The following RWDD4 variants were observed in gnomAD, a reference collection of about 807,000 sequenced individuals.
RWDD4 encodes the protein RWD domain containing 4.
In RWDD4, 16 loss-of-function variants were observed where a neutral mutation model predicts 30.0. That is an observed-to-expected ratio of 0.53 (90% CI 0.36 to 0.81). The LOEUF is 0.81. RWDD4 is among the 30% of genes least tolerant of loss of function. The pLI is 0.00. For missense variants in RWDD4, 170 were observed against 223.9 expected (o/e 0.76, Z 1.54); for synonymous variants, 45 against 72.1 (o/e 0.62, Z 1.90).
At chr4:183,650,509 T>C (rs1240386731) in intron 4 of RWDD4, among the ~76,000 whole-genome samples, 5 of 152,222 alleles carry the variant, frequency 3.3e-5, no homozygotes, top group Non-Finnish European at 7.3e-5. Flanking sequence ...AAATATTTCC[T>C]AAAACTATTC....
chr4:183,655,760 T>A lies in RWDD4; in HGVS notation c.105+121A>T, dbSNP rs78730392. On this transcript the variant is annotated intron_variant, in intron 2 of 7. Transcript: ENST00000326397. ...TGTTAGGGTGATGTTTCCATTTAAA[T>A]GCTACAGAAAATACAGACATAATAA... 2.1e-3 allele frequency: 1,296 copies of A among 610,552 alleles called. 24 individuals are homozygous for A. The East Asian group carries it at 0.029, about 13-fold the overall frequency. 37.8% of individuals were successfully genotyped at this position (610,552 alleles called of 1,614,324 possible).
chr4:183,643,373 G>GCCACTGAA (rs1733903035), intron 7 of RWDD4, among the ~76,000 whole-genome samples: 1 of 111,572 alleles, frequency 9.0e-6, no homozygotes, highest in Admixed American at 1.3e-4. Context: ...CTGAAATTGC[G>GCCACTGAA]CCACTGAACT....
At chr4:183,658,888 C>T in intron 1 of RWDD4, 41 bp downstream of exon 1, 5 of 1,237,856 alleles carry the variant, frequency 4.0e-6, no homozygotes, top group Non-Finnish European at 5.0e-6. Context: ...GGCTGCGCGC[C>T]GCGCCCGCGC....
chr4:183,646,596 TTAAGA>T (rs1733970573), intron 5 of RWDD4, 59 bp from the exon 6 acceptor site: 1 of 1,476,064 alleles, frequency 6.8e-7, no homozygotes, highest in Non-Finnish European at 9.3e-7. Flanking sequence ...TTTATAATAA[TTAAGA>T]TTTTATATAC....
chr4:183,658,139 G>A (rs960090441), intron 1 of RWDD4, among the ~76,000 whole-genome samples: 1 of 152,184 alleles, frequency 6.6e-6, no homozygotes, highest in Non-Finnish European at 1.5e-5. Flanking sequence ...TTCCAATCCA[G>A]AGATTCTATT....
Position 183,646,494 on chromosome 4 carries a change from A to G in RWDD4, c.525T>C (p.Val175=). 1 of 1,612,372 alleles carries G rather than the reference A, an allele frequency of 6.2e-7. No homozygotes were observed. The highest frequency in any genetic ancestry group is 8.5e-7 in the Non-Finnish European group (1 of 1,179,566). The change falls in exon 6 of 8, where the codon GTT becomes GTC. Residue 175 remains valine (V), a synonymous_variant. Transcript: ENST00000326397. ...GAATATAAATGTTATATACCTTCAC[A>G]ACATCAACCCAGTTCCAGCCTCGAG... ...ELPRGWNWVD[V]VKHLSKTGSK...
rs368395772 is a variant in RWDD4, at chr4:183,646,517, G to A, written c.502C>T (p.Arg168Ter). Residue 168 changes from arginine to a stop codon, truncating the protein, a stop_gained, in exon 6 of 8, where the codon CGA becomes TGA. Transcript: ENST00000326397. LOFTEE classifies it high-confidence loss of function. The part of the protein sequence containing the change: ...DKTDHKGELP[R>*]GWNWVDVVKH... ...ACAACATCAACCCAGTTCCAGCCTCGAGGAAGTTCTCCTTTGTGATCTAGA... is the reference window on the plus strand; with the variant it reads ...ACAACATCAACCCAGTTCCAGCCTCAAGGAAGTTCTCCTTTGTGATCTAGA... 8.7e-6 allele frequency: 14 copies of A among 1,612,150 alleles called. No individual in the cohort carries two copies. Among genetic ancestry groups the A allele is most frequent in the African/African-American group, 1.3e-5 (1 of 74,916 alleles).
Position 183,659,078 on chromosome 4 carries a change from G to T in RWDD4, c.-126C>A. The stretch of plus-strand genomic sequence containing the variant: ...CGGCTGTGGGGGCGGCACAGTCTTG[G>T]CACTGGCAGACGCCAACTGCGCGCG... On this transcript the variant is annotated 5_prime_UTR_variant, in exon 1 of 8. Transcript: ENST00000326397. 2.9e-6 allele frequency: 2 copies of T among 697,020 alleles called. No homozygotes were observed. Among genetic ancestry groups the T allele is most frequent in the Non-Finnish European group, 4.0e-6 (2 of 500,130 alleles). 43.2% of individuals were successfully genotyped at this position (697,020 alleles called of 1,614,324 possible). A position where few individuals can be genotyped will look rare whatever the true frequency, so the allele number is the denominator to read the frequency against.
At chr4:183,656,897 G>A (rs951060023) in intron 1 of RWDD4, among the ~76,000 whole-genome samples, 4 of 152,176 alleles carry the variant, frequency 2.6e-5, no homozygotes, top group Non-Finnish European at 4.4e-5. Flanking sequence ...GTGGTGATGG[G>A]CGCCTGTAGT....
In RWDD4 at chr4:183,659,152, G is replaced by C. The variant is rs937104778; in HGVS notation, c.-200C>G. The C allele has an allele frequency of 2.0e-5, 8 of 408,160 alleles. No homozygotes were observed. The highest frequency in any genetic ancestry group is 3.6e-5 in the East Asian group (1 of 27,898). The allele number at this position is 408,160 out of a possible 1,614,324, so 25.3% of individuals were successfully genotyped here. A position where few individuals can be genotyped will look rare whatever the true frequency, so the allele number is the denominator to read the frequency against. On this transcript the variant is annotated 5_prime_UTR_variant, in exon 1 of 8. Coordinates refer to ENST00000326397, the MANE Select transcript of RWDD4 (RefSeq NM_152682.4). ...CCGCCGGCAGTGGGCTGTGGGCTAC[G>C]AGCCGGAGCCGCGGCTGGTGGGGCC... is the stretch of plus-strand genomic sequence containing the variant.
At position 183,642,303 on chromosome 4, in the gene RWDD4, C is replaced by CTT. The variant is rs1358378975; in HGVS notation, c.535-836_535-835insAA. Among the ~76,000 whole-genome samples the CTT allele has an allele frequency of 4.0e-5, 5 of 126,014 alleles. 1 individual carries two copies. The East Asian group carries it at 1.1e-3, about 29-fold the overall frequency. The allele number at this position is 126,014 out of a possible 152,430, so 82.7% of individuals were successfully genotyped here. ...CTCCCGGGTTCACGCCATTCTCCTG[C>CTT]CTCAGCCTCCCAAGTAGCTGGGACT... On this transcript the variant is annotated intron_variant, in intron 7 of 7. Transcript: ENST00000326397.
intron 2 of RWDD4, among the ~76,000 whole-genome samples, chr4:183,653,308 T>G (rs1177175407): frequency 1.3e-5 from 2 of 151,944 alleles, no homozygotes; most frequent in Non-Finnish European, 2.9e-5. Context: ...GTGGCTCATG[T>G]CTGTAATCCC....
chr4:183,655,238 G>A (rs1047908018), intron 2 of RWDD4, among the ~76,000 whole-genome samples: 3 of 151,896 alleles, frequency 2.0e-5, no homozygotes, highest in African/African-American at 4.8e-5. Context: ...ACTGTGCCCC[G>A]CCTACTTATA....
At chr4:183,656,514 AAATGT>A (rs1260795375) in intron 1 of RWDD4, among the ~76,000 whole-genome samples, 1 of 152,260 alleles carries the variant, frequency 6.6e-6, no homozygotes, top group African/African-American at 2.4e-5. Context: ...CTGTCAGAGA[AAATGT>A]AACTAGTAAT....
chr4:183,652,914 A>T (rs898318258), intron 2 of RWDD4, among the ~76,000 whole-genome samples: 1 of 151,990 alleles, frequency 6.6e-6, no homozygotes, highest in South Asian at 2.1e-4. Context: ...TGTAGAGACA[A>T]GGTCTTCCTA....
intron 1 of RWDD4, 110 bp downstream of exon 1, chr4:183,658,819 G>A: frequency 1.5e-5 from 15 of 1,030,236 alleles, no homozygotes; most frequent in Non-Finnish European, 1.7e-5. Context: ...GGCCGGCTCC[G>A]AGGGCACAGG....
chr4:183,649,436 G>GAAACA lies in RWDD4; in HGVS notation c.481+10_481+14dup, dbSNP rs773000013. On this transcript the variant is annotated intron_variant, in intron 5 of 7. Coordinates refer to ENST00000326397, the MANE Select transcript of RWDD4 (RefSeq NM_152682.4). The stretch of plus-strand genomic sequence containing the variant: ...TCAAAAAAAAGAAAAGAAAAGAAAA[G>GAAACA]AAACACACACAAACCTGTTTTGTCT... The GAAACA allele has an allele frequency of 8.0e-6, 12 of 1,502,546 alleles. 1 individual carries two copies. Among genetic ancestry groups the GAAACA allele is most frequent in the Non-Finnish European group, 1.0e-5 (11 of 1,089,832 alleles). 93.1% of individuals were successfully genotyped at this position (1,502,546 alleles called of 1,614,324 possible).
intron 7 of RWDD4, among the ~76,000 whole-genome samples, chr4:183,642,975 C>T (rs1200871202): frequency 2.0e-5 from 3 of 151,332 alleles, no homozygotes; most frequent in African/African-American, 7.3e-5. Flanking sequence ...AGGAGAATGG[C>T]GTGAACCCGG....
chr4:183,650,868 C>G (rs1579128379), intron 4 of RWDD4, 116 bp downstream of exon 4: 1 of 990,620 alleles, frequency 1.0e-6, no homozygotes, highest in Non-Finnish European at 1.4e-6. Flanking sequence ...AGGTGTAACT[C>G]TCACTTTAAC....
Sources: allele counts gnomAD v4.1 joint callset (sites outside exome capture counted in the v4.1 genomes callset), GRCh38; gene constraint gnomAD v4.1.1; transcripts MANE v1.5; gene names NCBI Gene and HGNC (gene_info 2026-07-23, HGNC 2026-07-21).